SRPK2: variants seen among roughly 807,000 people sequenced by gnomAD.
SRPK2 encodes the protein SFRS protein kinase 2.
SRPK2 carries 21 observed loss-of-function variants against 90.8 expected under a neutral mutation model. That is an observed-to-expected ratio of 0.23 (90% CI 0.16 to 0.33). The LOEUF is 0.33. SRPK2 is among the 10% of genes least tolerant of loss of function. The pLI is 1.00. For synonymous variants in SRPK2, 288 were observed against 311.1 expected (o/e 0.93, Z 0.78); for missense variants, 620 against 869.0 (o/e 0.71, Z 3.60).
intron 7 of SRPK2, among the ~76,000 whole-genome samples, chr7:105,153,432 T>C (rs544008935): frequency 3.9e-5 from 6 of 152,294 alleles, no homozygotes; most frequent in African/African-American, 1.4e-4. Context: ...ATACCATCTA[T>C]TACTGGTCTT....
At chr7:105,321,711 A>AT (rs1163891709) in intron 2 of SRPK2, among the ~76,000 whole-genome samples, 1 of 152,242 alleles carries the variant, frequency 6.6e-6, no homozygotes, top group African/African-American at 2.4e-5. Flanking sequence ...AACATCATTC[A>AT]TAAGGAGAAT....
In SRPK2 at chr7:105,269,380, T is replaced by A. The variant is rs1193310272; in HGVS notation, c.72-65595A>T. ...TAAACCAGAACCCCGATGTATAGATTTCAAAATGTTTAACCTTTGTTTTAA... is the reference window on the plus strand; with the variant it reads ...TAAACCAGAACCCCGATGTATAGATATCAAAATGTTTAACCTTTGTTTTAA... On this transcript the variant is annotated intron_variant, in intron 2 of 15. Coordinates refer to ENST00000393651, the MANE Select transcript of SRPK2 (RefSeq NM_182692.3). Among the ~76,000 whole-genome samples, 5 of 152,322 alleles carry A rather than the reference T, an allele frequency of 3.3e-5. No homozygotes were observed. In the East Asian group the frequency reaches 9.6e-4, roughly 29 times the overall value.
At chr7:105,389,516 T>A, upstream of SRPK2, 1 of 851,022 alleles carries the variant, frequency 1.2e-6, no homozygotes, top group East Asian at 1.1e-4. Flanking sequence ...ATGAGTTTAA[T>A]GAAGGAAAAG....
intron 2 of SRPK2, among the ~76,000 whole-genome samples, chr7:105,232,043 T>C (rs1047699891): frequency 2.0e-5 from 3 of 152,178 alleles, no homozygotes; most frequent in East Asian, 3.9e-4. Flanking sequence ...TTTGTAGAGA[T>C]GGGTCTTGCT....
intron 3 of SRPK2, among the ~76,000 whole-genome samples, chr7:105,173,733 AAC>A (rs1022190527): frequency 1.3e-5 from 2 of 152,166 alleles, no homozygotes; most frequent in Admixed American, 6.5e-5. Flanking sequence ...TTCACCAGAG[AAC>A]AGAAAAGGAG....
At chr7:105,353,512 G>GTTA (rs1817449765) in intron 2 of SRPK2, among the ~76,000 whole-genome samples, 1 of 148,032 alleles carries the variant, frequency 6.8e-6, no homozygotes, top group South Asian at 2.1e-4. Flanking sequence ...GTTTGTTGTT[G>GTTA]TTGTTGTTGT....
chr7:105,383,817 C>T (rs923912765), intron 2 of SRPK2, among the ~76,000 whole-genome samples: 9 of 152,106 alleles, frequency 5.9e-5, no homozygotes, highest in Non-Finnish European at 1.3e-4. Flanking sequence ...CTAATACGTG[C>T]CATAACATGG....
upstream of SRPK2, among the ~76,000 whole-genome samples, chr7:105,394,303 C>T (rs1384956777): frequency 6.6e-6 from 1 of 152,056 alleles, no homozygotes; most frequent in Non-Finnish European, 1.5e-5. Context: ...CCACCATGCC[C>T]AGCTAATTTT....
At chr7:105,216,488 T>C (rs771081696) in intron 2 of SRPK2, among the ~76,000 whole-genome samples, 8 of 151,800 alleles carry the variant, frequency 5.3e-5, no homozygotes, top group Non-Finnish European at 8.8e-5. Context: ...CTCATCTCTA[T>C]CAAAAAAATA....
chr7:105,285,421 A>T (rs1016488498), intron 2 of SRPK2, among the ~76,000 whole-genome samples: 1 of 151,868 alleles, frequency 6.6e-6, no homozygotes, highest in Non-Finnish European at 1.5e-5. Flanking sequence ...AAAGGAAAAG[A>T]AAAAAGAAAC....
intron 2 of SRPK2, among the ~76,000 whole-genome samples, chr7:105,212,535 A>G (rs1469214654): frequency 6.6e-6 from 1 of 152,206 alleles, no homozygotes; most frequent in African/African-American, 2.4e-5. Flanking sequence ...GGAGAGAGGA[A>G]AGAGGTTAGG....
chr7:105,258,517 T>C (rs981772087), intron 2 of SRPK2, among the ~76,000 whole-genome samples: 2 of 151,792 alleles, frequency 1.3e-5, no homozygotes, highest in Non-Finnish European at 2.9e-5. Context: ...ATTTGGGATG[T>C]AAATGACTAT....
Position 105,130,002 on chromosome 7 carries a change from G to C in SRPK2, c.1752+2789C>G, listed in dbSNP as rs1801770212. On this transcript the variant is annotated intron_variant, in intron 13 of 15. Coordinates refer to ENST00000393651, the MANE Select transcript of SRPK2 (RefSeq NM_182692.3). ...AGAGACTCTAATACATAAATGCAGA[G>C]AAACCAATGCTTCAGCCACAAAGAA... Among the ~76,000 whole-genome samples, 3 of 152,072 alleles carry C rather than the reference G, an allele frequency of 2.0e-5. No individual in the cohort carries two copies. In the South Asian group the frequency reaches 6.2e-4, roughly 32 times the overall value.
intron 3 of SRPK2, among the ~76,000 whole-genome samples, chr7:105,172,476 A>G (rs952660682): frequency 1.3e-5 from 2 of 152,212 alleles, no homozygotes; most frequent in African/African-American, 4.8e-5. Flanking sequence ...CTTTAAGAGA[A>G]CAGAAAATGC....
At chr7:105,209,148 T>C (rs1039401643) in intron 2 of SRPK2, among the ~76,000 whole-genome samples, 1 of 152,230 alleles carries the variant, frequency 6.6e-6, no homozygotes, top group African/African-American at 2.4e-5. Context: ...TGAAAATTAA[T>C]CTGTAATTCT....
chr7:105,364,671 G>A (rs1212611923), intron 2 of SRPK2, among the ~76,000 whole-genome samples: 2 of 152,010 alleles, frequency 1.3e-5, no homozygotes, highest in Non-Finnish European at 2.9e-5. Flanking sequence ...CAAAGTGCTG[G>A]GGTTACAGGG....
chr7:105,290,455 G>A (rs571705647), intron 2 of SRPK2, among the ~76,000 whole-genome samples: 1 of 152,202 alleles, frequency 6.6e-6, no homozygotes, highest in South Asian at 2.1e-4. Context: ...CGGAGACTGC[G>A]CCACTGCACT....
At chr7:105,336,958 C>T (rs931877682) in intron 2 of SRPK2, among the ~76,000 whole-genome samples, 3 of 151,982 alleles carry the variant, frequency 2.0e-5, no homozygotes, top group African/African-American at 7.3e-5. Context: ...CCCGCCACCA[C>T]ACCTAGCTAA....
chr7:105,289,401 C>T (rs560818523), intron 2 of SRPK2, among the ~76,000 whole-genome samples: 2 of 152,260 alleles, frequency 1.3e-5, no homozygotes, highest in South Asian at 4.2e-4. Flanking sequence ...AGGTTCAATT[C>T]CAGACCACCT....
Sources: allele counts gnomAD v4.1 joint callset (sites outside exome capture counted in the v4.1 genomes callset), GRCh38; gene constraint gnomAD v4.1.1; transcripts MANE v1.5; gene names NCBI Gene and HGNC (gene_info 2026-07-23, HGNC 2026-07-21).